The following NOVA1 variants were observed in gnomAD, a reference collection of about 807,000 sequenced individuals.
NOVA1 encodes RNA-binding protein Nova-1.
Under a neutral mutation model 38.0 loss-of-function variants are expected in NOVA1, and 7 were observed. That is an observed-to-expected ratio of 0.18 (90% CI 0.10 to 0.35). The LOEUF (loss-of-function observed/expected upper bound fraction) is 0.35, where lower values mean the gene tolerates loss of function less well. NOVA1 is among the 10% of genes least tolerant of loss of function. The pLI is 1.00. For synonymous variants in NOVA1, 270 were observed against 232.5 expected, an observed-to-expected ratio of 1.16 and a Z score of -1.47; for missense variants, 460 against 616.0, an observed-to-expected ratio of 0.75 and a Z score of 2.68.
intron 2 of NOVA1, among the ~76,000 whole-genome samples, chr14:26,542,290 G>T (rs1018061639): frequency 2.0e-5 from 3 of 151,846 alleles, no homozygotes; most frequent in East Asian, 1.9e-4. Context: ...CCAGGAAAAA[G>T]AATTTTTAAA....
intron 4 of NOVA1, among the ~76,000 whole-genome samples, chr14:26,451,838 T>C (rs1350173670): frequency 1.3e-5 from 2 of 152,122 alleles, no homozygotes. Flanking sequence ...ATTTTAGTGT[T>C]TAACCATTTC....
intron 2 of NOVA1, among the ~76,000 whole-genome samples, chr14:26,538,902 T>C (rs1890277538): frequency 6.6e-6 from 1 of 152,192 alleles, no homozygotes; most frequent in Admixed American, 6.5e-5. Context: ...ACAGCATTTC[T>C]TTCTTTTCTC....
chr14:26,593,185 T>A (rs1296561029), intron 2 of NOVA1: 1 of 151,812 alleles, frequency 6.6e-6, no homozygotes, highest in Non-Finnish European at 1.5e-5. Context: ...GATGATATGA[T>A]CACAGTTTAT....
chr14:26,492,204 G>C (rs929931491), intron 2 of NOVA1, among the ~76,000 whole-genome samples: 12 of 152,078 alleles, frequency 7.9e-5, no homozygotes, highest in Non-Finnish European at 1.3e-4. Flanking sequence ...TGGTGTATAG[G>C]AACTGATTTT....
intron 3 of NOVA1, among the ~76,000 whole-genome samples, chr14:26,477,059 G>A (rs1885043523): frequency 6.6e-6 from 1 of 152,066 alleles, no homozygotes; most frequent in Non-Finnish European, 1.5e-5. Flanking sequence ...TGTAGTTTTG[G>A]TATATAAATA....
chr14:26,555,142 GCAGTAACCTAAAATA>G (rs1204789218), intron 2 of NOVA1, among the ~76,000 whole-genome samples: 1 of 152,042 alleles, frequency 6.6e-6, no homozygotes, highest in Non-Finnish European at 1.5e-5. Context: ...TATTCATGTT[GCAGTAACCTAAAATA>G]CAATTGTAGA....
rs143997367 is a variant in NOVA1 at position 26,500,323 on chromosome 14, A to C, written c.281-20180T>G. Among the ~76,000 whole-genome samples, 39 of 152,218 alleles carry C rather than the reference A, an allele frequency of 2.6e-4. No individual in the cohort carries two copies. In the East Asian group the frequency reaches 6.6e-3, roughly 26 times the overall value. ...TATTTGTGATTTAGTAACAGATTAA[A>C]TGAAAGAATAAATAGATGGCAGGAA... On this transcript the variant is annotated intron_variant, in intron 2 of 4. Coordinates refer to ENST00000539517, the MANE Select transcript of NOVA1 (RefSeq NM_002515.3).
intron 3 of NOVA1, 68 bp downstream of exon 3, chr14:26,479,909 G>T: frequency 6.6e-7 from 1 of 1,512,280 alleles, no homozygotes. Flanking sequence ...ACACTTTAAG[G>T]CTTCTTTTGT....
intron 2 of NOVA1, among the ~76,000 whole-genome samples, chr14:26,534,399 A>G (rs1889930107): frequency 6.6e-6 from 1 of 152,164 alleles, no homozygotes; most frequent in African/African-American, 2.4e-5. Context: ...TCTGAAAACA[A>G]CAGAAAATAT....
chr14:26,557,035 T>C (rs1891529673), intron 2 of NOVA1, among the ~76,000 whole-genome samples: 1 of 152,124 alleles, frequency 6.6e-6, no homozygotes. Flanking sequence ...GCAGCCCATA[T>C]TCCCATGGCA....
In NOVA1 at chr14:26,443,470, A is replaced by G. The variant is rs1483885956; in HGVS notation, c.*4489T>C. ...ACAGTTTTTTTTGTTTATATAGACC[A>G]GTGGAATGACATCCTGTCTAGTACT... On this transcript the variant is annotated 3_prime_UTR_variant, in exon 5 of 5. Transcript: ENST00000539517. 1 of 152,080 alleles carries G rather than the reference A, an allele frequency of 6.6e-6. No individual in the cohort carries two copies. Among genetic ancestry groups the G allele is most frequent in the Non-Finnish European group, 1.5e-5 (1 of 67,876 alleles). 9.4% of individuals were successfully genotyped at this position (152,080 alleles called of 1,614,324 possible).
At chr14:26,480,645 T>C (rs934573641) in intron 2 of NOVA1, among the ~76,000 whole-genome samples, 11 of 152,134 alleles carry the variant, frequency 7.2e-5, no homozygotes, top group Non-Finnish European at 1.5e-4. Context: ...ATAGCAACAC[T>C]TGTTACCCGA....
At chr14:26,502,140 T>C (rs1887286690) in intron 2 of NOVA1, among the ~76,000 whole-genome samples, 1 of 151,928 alleles carries the variant, frequency 6.6e-6, no homozygotes, top group African/African-American at 2.4e-5. Context: ...AACTAGTTCC[T>C]TCTTTTTTTT....
chr14:26,539,174 T>C (rs1340771313), intron 2 of NOVA1, among the ~76,000 whole-genome samples: 4 of 152,170 alleles, frequency 2.6e-5, no homozygotes, highest in African/African-American at 9.6e-5. Context: ...ACATAGAGAC[T>C]TCCTGTATCC....
chr14:26,557,253 A>G (rs1280777038), intron 2 of NOVA1, among the ~76,000 whole-genome samples: 6 of 152,180 alleles, frequency 3.9e-5, no homozygotes. Context: ...TAAAACAACA[A>G]TAAGATACCA....
At chr14:26,585,001 G>A (rs1379473552) in intron 2 of NOVA1, among the ~76,000 whole-genome samples, 2 of 151,214 alleles carry the variant, frequency 1.3e-5, no homozygotes, top group Non-Finnish European at 3.0e-5. Context: ...GAAACACTAT[G>A]ATATGGTTAT....
intron 2 of NOVA1, among the ~76,000 whole-genome samples, chr14:26,485,053 A>G (rs1490727539): frequency 6.6e-6 from 1 of 152,200 alleles, no homozygotes; most frequent in East Asian, 1.9e-4. Flanking sequence ...ATAGTAAAAG[A>G]AAATAACTGT....
intron 4 of NOVA1, among the ~76,000 whole-genome samples, chr14:26,471,511 C>T (rs1311733882): frequency 6.6e-6 from 1 of 151,452 alleles, no homozygotes; most frequent in Non-Finnish European, 1.5e-5. Context: ...GCTCAACTCA[C>T]ACAAAATAAA....
At position 26,511,250 on chromosome 14, in the gene NOVA1, A is replaced by G. The variant is rs572058109; in HGVS notation, c.281-31107T>C. Among the ~76,000 whole-genome samples, 45 of 136,494 alleles carry G rather than the reference A, an allele frequency of 3.3e-4. 1 individual carries two copies. In the South Asian group the frequency reaches 5.0e-3, roughly 15 times the overall value. 89.5% of individuals were successfully genotyped at this position (136,494 alleles called of 152,430 possible). ...AAGTTCCCCACATGTACATGAGGTC[A>G]AATTAATATTTTTTATACTAAAAAA... On this transcript the variant is annotated intron_variant, in intron 2 of 4. Coordinates refer to ENST00000539517, the MANE Select transcript of NOVA1 (RefSeq NM_002515.3).
Sources: gnomAD v4.1 joint callset for allele counts (sites outside exome capture counted in the v4.1 genomes callset) on GRCh38, gnomAD v4.1.1 for gene constraint, MANE v1.5 for transcripts, NCBI Gene and HGNC (gene_info 2026-07-23, HGNC 2026-07-21) for gene names.